DNAI3: variants seen among roughly 807,000 people sequenced by gnomAD.
DNAI3 encodes the protein dynein axonemal intermediate chain 3, also known as WD repeat domain 63.
DNAI3 carries 83 observed loss-of-function variants against 115.5 expected under a neutral mutation model. The ratio of observed to expected loss-of-function variants is 0.72; its 90% confidence interval spans 0.60 to 0.86. The LOEUF (loss-of-function observed/expected upper bound fraction) is 0.86, where lower values mean the gene tolerates loss of function less well. Ranked by LOEUF, DNAI3 falls within the 40% of genes least tolerant of loss-of-function variation. The pLI, the probability that DNAI3 is intolerant of heterozygous loss-of-function variation, is 0.00. For synonymous variants in DNAI3, 320 were observed against 347.0 expected (o/e 0.92, Z 0.86); for missense variants, 1,004 against 1,075.8 (o/e 0.93, Z 0.93).
At position 85,116,872 on chromosome 1, in the gene DNAI3, T is replaced by A. The variant is rs566847882; in HGVS notation, c.1787-857T>A. ...TGTAGATCCAAAACAAAGAGAGTAT[T>A]GGTTGACTATACCAACTAAATCATG... is the stretch of plus-strand genomic sequence containing the variant. On this transcript the variant is annotated intron_variant, in intron 16 of 22. Transcript: ENST00000294664. Among the ~76,000 whole-genome samples, 3 of 152,308 alleles carry A rather than the reference T, an allele frequency of 2.0e-5. No individual in the cohort carries two copies. In the East Asian group the frequency reaches 5.8e-4, roughly 29 times the overall value.
chr1:85,070,879 A>G (rs74833723), intron 1 of DNAI3, among the ~76,000 whole-genome samples: 1 of 148,604 alleles, frequency 6.7e-6, no homozygotes, highest in Admixed American at 6.8e-5. Context: ...TTTAAAAAAA[A>G]TTCATATGAG....
chr1:85,096,135 C>T (rs1655114985), intron 11 of DNAI3, 115 bp downstream of exon 11: 2 of 891,104 alleles, frequency 2.2e-6, no homozygotes, highest in African/African-American at 1.6e-5. Context: ...GAAGGCATGC[C>T]AATTGTGTGC....
Position 85,110,111 on chromosome 1 carries a change from G to A in DNAI3, c.1762G>A (p.Asp588Asn). ...TCCAACCAAGATAAGCCTGAATGAAGACCATCTTCTTTGCAAAACACAAGG... is the reference window on the plus strand; with the variant it reads ...TCCAACCAAGATAAGCCTGAATGAAAACCATCTTCTTTGCAAAACACAAGG... Reference protein sequence around the residue: ...HCPTKISLNEDHLLCKTQDKM... With the variant: ...HCPTKISLNENHLLCKTQDKM... Residue 588 changes from aspartate to asparagine, a missense_variant, in exon 16 of 23, where the codon GAC becomes AAC. Coordinates refer to ENST00000294664, the MANE Select transcript of DNAI3 (RefSeq NM_145172.5). The A allele has an allele frequency of 6.2e-7, 1 of 1,604,200 alleles. No individual in the cohort carries two copies. Among genetic ancestry groups the A allele is most frequent in the Non-Finnish European group, 8.5e-7 (1 of 1,175,266 alleles).
intron 16 of DNAI3, among the ~76,000 whole-genome samples, chr1:85,114,609 A>G (rs1655759520): frequency 6.6e-6 from 1 of 152,234 alleles, no homozygotes; most frequent in South Asian, 2.1e-4. Flanking sequence ...GTGAATGGCC[A>G]GCTTTCAAGA....
Position 85,082,399 on chromosome 1 carries a change from T to C in DNAI3, c.385T>C (p.Leu129=), listed in dbSNP as rs1444417584. The part of the protein sequence containing the change: ...IATEEGKENY[L]NPPEVPEEQE... ...AACTGAAGAGGGCAAAGAAAACTAT[T>C]TAAATGTGAGCAAACCCCAAGCCCT... is the stretch of plus-strand genomic sequence containing the variant. Residue 129 remains leucine (L), a synonymous_variant, in exon 5 of 23, where the codon TTA becomes CTA. Coordinates refer to ENST00000294664, the MANE Select transcript of DNAI3 (RefSeq NM_145172.5). 1 of 1,610,898 alleles carries C rather than the reference T, an allele frequency of 6.2e-7. No individual in the cohort carries two copies. Among genetic ancestry groups the C allele is most frequent in the Middle Eastern group, 1.7e-4 (1 of 6,058 alleles).
In DNAI3 at chr1:85,119,112, TA is replaced by T. The variant is rs1447575190; in HGVS notation, c.1917+1259del. On this transcript the variant is annotated intron_variant, in intron 17 of 22. Transcript: ENST00000294664. Reference sequence around the variant, plus strand: ...ATAACTTGGGTTTCACAGCAAAGTTTAAAAAATTTTTTTAATTGTGGTAAAA... The same window carrying T: ...ATAACTTGGGTTTCACAGCAAAGTTTAAAAATTTTTTTAATTGTGGTAAAA... Among the ~76,000 whole-genome samples the T allele has an allele frequency of 5.3e-5, 8 of 152,320 alleles. No homozygotes were observed. The South Asian group carries it at 8.3e-4, about 16-fold the overall frequency.
chr1:85,070,448 G>A (rs1015880906), intron 1 of DNAI3, among the ~76,000 whole-genome samples: 4 of 151,620 alleles, frequency 2.6e-5, no homozygotes, highest in Non-Finnish European at 4.4e-5. Context: ...TGCCTATTGC[G>A]CTCTGTGTCC....
intron 3 of DNAI3, among the ~76,000 whole-genome samples, chr1:85,076,449 C>T (rs1347872): frequency 0.96 from 146,864 of 152,346 alleles, 70,814 homozygotes; most frequent in Admixed American, 0.98. Context: ...TACAGAAGTG[C>T]ATTAGTCTGT....
intron 2 of DNAI3, 100 bp from the exon 3 acceptor site, chr1:85,072,954 C>CAA (rs35956778): frequency 0.089 from 35,845 of 403,186 alleles, 1,928 homozygotes; most frequent in East Asian, 0.2. Flanking sequence ...GACTCCGTCT[C>CAA]AAAAAAAAAA....
intron 14 of DNAI3, among the ~76,000 whole-genome samples, chr1:85,106,755 A>T (rs1655500658): frequency 6.6e-6 from 1 of 152,256 alleles, no homozygotes; most frequent in Non-Finnish European, 1.5e-5. Context: ...CTGATTTTCA[A>T]CAAGGATGCC....
At chr1:85,125,535 AT>A (rs5775824) in intron 19 of DNAI3, among the ~76,000 whole-genome samples, 7,956 of 147,348 alleles carry the variant, frequency 0.054, 264 homozygotes, top group East Asian at 0.15. Context: ...TGTATGTTTG[AT>A]TTTTTTTTTT....
intron 16 of DNAI3, among the ~76,000 whole-genome samples, chr1:85,111,337 C>T (rs1021830297): frequency 5.9e-5 from 9 of 152,164 alleles, no homozygotes; most frequent in Admixed American, 3.3e-4. Context: ...GGGAATCTAA[C>T]GGGAGTTTTC....
chr1:85,132,235 A>G (rs1191400081), intron 22 of DNAI3, among the ~76,000 whole-genome samples: 1 of 152,280 alleles, frequency 6.6e-6, no homozygotes, highest in Non-Finnish European at 1.5e-5. Flanking sequence ...TAACTGGCAC[A>G]TAGAAAGTGT....
intron 19 of DNAI3, 132 bp from the exon 20 acceptor site, chr1:85,126,379 C>A (rs1414088616): frequency 3.3e-6 from 3 of 908,058 alleles, no homozygotes; most frequent in Non-Finnish European, 4.8e-6. Flanking sequence ...AGAAGTAAGA[C>A]TTCCTGTGGG....
chr1:85,084,365 T>TTTTTCCC (rs1230527200), intron 5 of DNAI3, among the ~76,000 whole-genome samples, 181 bp from the exon 6 acceptor site: 1 of 149,008 alleles, frequency 6.7e-6, no homozygotes, highest in African/African-American at 2.4e-5. Flanking sequence ...CTCTTTTTTC[T>TTTTTCCC]TTTTCCCTTT....
At chr1:85,063,315 G>A (rs1653992790) in intron 1 of DNAI3, among the ~76,000 whole-genome samples, 1 of 151,588 alleles carries the variant, frequency 6.6e-6, no homozygotes, top group Non-Finnish European at 1.5e-5. Flanking sequence ...TGCCTGCATG[G>A]TGTGGACCAG....
chr1:85,093,520 T>G lies in DNAI3; in HGVS notation c.920T>G (p.Leu307Arg). 1.2e-6 allele frequency: 2 copies of G among 1,614,158 alleles called. No individual in the cohort carries two copies. The highest frequency in any genetic ancestry group is 1.7e-6 in the Non-Finnish European group (2 of 1,180,032). Residue 307 changes from leucine to arginine, a missense_variant, in exon 9 of 23, where the codon CTC (leucine) becomes CGC (arginine). Physicochemically the swap from Leu to Arg is moderately radical, Grantham distance 102. This residue lies in a region of DNAI3 where 550 missense variants were observed against 568.1 expected (regional missense o/e 0.97). Transcript: ENST00000294664. ...ACATTTATTGATGACTGGAAATACC[T>G]CGCAGAAGAAGAAGGCACCTTTGGG... is the stretch of plus-strand genomic sequence containing the variant. ...MNTFIDDWKY[L>R]AEEEGTFGDK...
At chr1:85,097,834 G>A (rs904956250) in intron 12 of DNAI3, among the ~76,000 whole-genome samples, 179 bp downstream of exon 12, 1 of 151,978 alleles carries the variant, frequency 6.6e-6, no homozygotes, top group Non-Finnish European at 1.5e-5. Flanking sequence ...CTTTTATGTG[G>A]GCCCTTGATT....
intron 16 of DNAI3, among the ~76,000 whole-genome samples, chr1:85,111,816 C>T (rs570783554): frequency 1.3e-5 from 2 of 152,242 alleles, no homozygotes; most frequent in East Asian, 3.9e-4. Context: ...CAATGAACTG[C>T]ATATTGTCAA....
Sources: gnomAD v4.1 joint callset for allele counts (sites outside exome capture counted in the v4.1 genomes callset) on GRCh38, gnomAD v4.1.1 for gene constraint, gnomAD v4.1.1 regional missense constraint, MANE v1.5 for transcripts, NCBI Gene and HGNC (gene_info 2026-07-23, HGNC 2026-07-21) for gene names.